The following ASPH variants were observed in gnomAD, a reference collection of about 807,000 sequenced individuals.
The protein encoded by ASPH is aspartate beta-hydroxylase, also known as aspartyl/asparaginyl beta-hydroxylase.
A neutral mutation model predicts 118.4 loss-of-function variants in ASPH; 100 were observed. The ratio of observed to expected loss-of-function variants is 0.84; its 90% CI spans 0.72 to 1.00. The LOEUF (loss-of-function observed/expected upper bound fraction) is 1.00. Ranked by LOEUF, ASPH falls within the 50% of genes least tolerant of loss-of-function variation. The probability of loss-of-function intolerance (pLI) is 0.00; values close to 1 mark genes in which losing one functional copy is unlikely to be tolerated. For synonymous variants in ASPH, 315 were observed against 325.6 expected, an observed-to-expected ratio of 0.97 and a Z score of 0.35; for missense variants, 920 against 919.5, an observed-to-expected ratio of 1.00 and a Z score of -0.01.
chr8:61,638,030 C>T (rs754091210), intron 11 of ASPH, 27 bp from the exon 12 acceptor site: 4 of 1,590,632 alleles, frequency 2.5e-6, no homozygotes, highest in African/African-American at 2.7e-5. Flanking sequence ...AATCAGAATC[C>T]ATTACATGTT....
At chr8:61,694,954 T>C (rs1589265387) in intron 1 of ASPH, among the ~76,000 whole-genome samples, 2 of 152,220 alleles carry the variant, frequency 1.3e-5, no homozygotes, top group Admixed American at 6.5e-5. Flanking sequence ...TCCTTGACTT[T>C]TGTCCCAAAA....
intron 13 of ASPH, among the ~76,000 whole-genome samples, chr8:61,622,406 C>A (rs537337876): frequency 2.0e-4 from 31 of 152,218 alleles, no homozygotes; most frequent in Admixed American, 1.7e-3. Context: ...CGCTAATCTG[C>A]CAGCTGAGCA....
intron 21 of ASPH, among the ~76,000 whole-genome samples, chr8:61,546,880 C>T (rs1456858852): frequency 6.6e-6 from 1 of 152,204 alleles, no homozygotes; most frequent in East Asian, 1.9e-4. Flanking sequence ...CAAACCTCCA[C>T]ATATCCATCA....
chr8:61,595,609 G>A (rs1035965141), intron 14 of ASPH, among the ~76,000 whole-genome samples: 1 of 152,144 alleles, frequency 6.6e-6, no homozygotes, highest in African/African-American at 2.4e-5. Context: ...CTGTATATCA[G>A]GTAATAAAGG....
chr8:61,676,440 G>A (rs1047261308), intron 3 of ASPH: 8 of 894,006 alleles, frequency 8.9e-6, no homozygotes, highest in African/African-American at 1.7e-5. Context: ...TTACAGAAAC[G>A]GTATTTGGAA....
In ASPH at chr8:61,649,629, A is replaced by G. The variant is rs112052033; in HGVS notation, c.490+1421T>C. Reference sequence around the variant, plus strand: ...CCAGAACACGGTGCTAGACTTGACTACTTCCCTCTTTTGGCTGCCTGCCCA... The same window carrying G: ...CCAGAACACGGTGCTAGACTTGACTGCTTCCCTCTTTTGGCTGCCTGCCCA... On this transcript the variant is annotated intron_variant, in intron 5 of 24. Transcript: ENST00000379454. Among the ~76,000 whole-genome samples the G allele has an allele frequency of 3.5e-4, 53 of 152,066 alleles. 1 individual carries two copies. Among genetic ancestry groups the G allele is most frequent in the African/African-American group, 8.2e-4 (34 of 41,510 alleles).
At chr8:61,567,460 A>T (rs908969560) in intron 16 of ASPH, 142 bp from the exon 17 acceptor site, 14 of 855,828 alleles carry the variant, frequency 1.6e-5, no homozygotes, top group South Asian at 4.3e-5. Flanking sequence ...ATCAAGAGAT[A>T]AAAAAAACTA....
chr8:61,615,671 T>C (rs1336974589), intron 14 of ASPH, among the ~76,000 whole-genome samples: 2 of 152,234 alleles, frequency 1.3e-5, no homozygotes, highest in Non-Finnish European at 2.9e-5. Context: ...CCATGGGCTA[T>C]GGAATATGTG....
chr8:61,539,336 T>A (rs1820830575), intron 21 of ASPH, among the ~76,000 whole-genome samples: 2 of 152,114 alleles, frequency 1.3e-5, no homozygotes, highest in Admixed American at 1.3e-4. Flanking sequence ...CTCAGAAGGA[T>A]GAATTCGACT....
chr8:61,584,061 GT>G (rs752123212), intron 14 of ASPH, 32 bp from the exon 15 acceptor site: 1 of 1,323,446 alleles, frequency 7.6e-7, no homozygotes, highest in Admixed American at 2.2e-5. Flanking sequence ...TATTTTTAAC[GT>G]TTTTTGACTA....
At chr8:61,672,475 C>CA (rs1246898035) in intron 3 of ASPH, among the ~76,000 whole-genome samples, 2 of 150,744 alleles carry the variant, frequency 1.3e-5, no homozygotes, top group African/African-American at 4.9e-5. Flanking sequence ...ATTTCTATTG[C>CA]AAAAAATATG....
chr8:61,564,969 C>T (rs1831186037), intron 17 of ASPH, among the ~76,000 whole-genome samples: 1 of 152,192 alleles, frequency 6.6e-6, no homozygotes, highest in South Asian at 2.1e-4. Context: ...TCCTTCCCTC[C>T]ATGTTGACTG....
intron 14 of ASPH, among the ~76,000 whole-genome samples, chr8:61,612,767 G>A (rs942378377): frequency 2.0e-5 from 3 of 152,116 alleles, no homozygotes; most frequent in Middle Eastern, 3.2e-3. Context: ...TGAGAAAGAA[G>A]ATTTAAAAAA....
chr8:61,643,027 T>C, intron 9 of ASPH, 107 bp from the exon 10 acceptor site: 3 of 986,228 alleles, frequency 3.0e-6, no homozygotes, highest in Non-Finnish European at 4.4e-6. Flanking sequence ...AGAACTCTAC[T>C]CCTTCAAATA....
intron 1 of ASPH, among the ~76,000 whole-genome samples, chr8:61,698,008 A>G (rs1374870029): frequency 6.6e-6 from 1 of 152,020 alleles, no homozygotes; most frequent in Non-Finnish European, 1.5e-5. Flanking sequence ...TTTGTTGCCC[A>G]CGCTGGTCTT....
intron 14 of ASPH, chr8:61,607,449 C>A: frequency 1.8e-6 from 1 of 569,156 alleles, no homozygotes; most frequent in Non-Finnish European, 3.1e-6. Flanking sequence ...ATGACCAACT[C>A]AACAAATGTA....
intron 22 of ASPH, among the ~76,000 whole-genome samples, chr8:61,522,812 AAC>A (rs976922225): frequency 1.3e-5 from 2 of 152,200 alleles, no homozygotes; most frequent in Non-Finnish European, 2.9e-5. Flanking sequence ...AGAACAGACT[AAC>A]ACACCCAGTG....
chr8:61,699,204 A>T (rs1271194134), intron 1 of ASPH, among the ~76,000 whole-genome samples: 2 of 152,228 alleles, frequency 1.3e-5, no homozygotes. Flanking sequence ...AACATGATCA[A>T]CTGAATAAAC....
At chr8:61,577,684 G>A (rs1835815272) in intron 15 of ASPH, among the ~76,000 whole-genome samples, 1 of 152,148 alleles carries the variant, frequency 6.6e-6, no homozygotes, top group Non-Finnish European at 1.5e-5. Flanking sequence ...CTGACATGGT[G>A]GCAAGAGAGA....
Sources: gnomAD v4.1 joint callset for allele counts (sites outside exome capture counted in the v4.1 genomes callset) on GRCh38, gnomAD v4.1.1 for gene constraint, MANE v1.5 for transcripts, NCBI Gene and HGNC (gene_info 2026-07-23, HGNC 2026-07-21) for gene names.